Variants in CPNE4 observed in about 807,000 individuals in gnomAD.
CPNE4 encodes copine 4, also known as copine-4.
CPNE4 carries 25 observed loss-of-function variants against 67.9 expected under a neutral mutation model. The ratio of observed to expected loss-of-function variants is 0.37; its 90% CI spans 0.27 to 0.51. The LOEUF is 0.51. Ranked by LOEUF, CPNE4 falls within the 20% of genes least tolerant of loss-of-function variation. CPNE4 has a pLI of 0.93. For synonymous variants in CPNE4, 242 were observed against 244.9 expected, an observed-to-expected ratio of 0.99 and a Z score of 0.11; for missense variants, 464 against 690.8, an observed-to-expected ratio of 0.67 and a Z score of 3.68.
At chr3:131,750,295 A>G (rs1213855461) in intron 2 of CPNE4, among the ~76,000 whole-genome samples, 2 of 152,186 alleles carry the variant, frequency 1.3e-5, no homozygotes, top group African/African-American at 2.4e-5. Flanking sequence ...TTCAATTGGT[A>G]TATTTAAGTC....
intron 2 of CPNE4, among the ~76,000 whole-genome samples, chr3:131,730,166 T>C (rs2082095503): frequency 6.6e-6 from 1 of 152,206 alleles, no homozygotes; most frequent in East Asian, 1.9e-4. Context: ...ATCTCTGAAA[T>C]TGGGATGCAT....
chr3:131,801,415 C>A (rs71315622), intron 2 of CPNE4, among the ~76,000 whole-genome samples: 5 of 66,076 alleles, frequency 7.6e-5, no homozygotes, highest in Admixed American at 1.9e-4. Context: ...TACATATATA[C>A]GTGTGTGTGT....
rs73875038 is a variant in CPNE4 at position 131,844,883 on chromosome 3, G to A, written c.180+60381C>T. Among the ~76,000 whole-genome samples, 1,146 of 152,130 alleles carry A rather than the reference G, an allele frequency of 7.5e-3. 15 individuals are homozygous for A. The highest frequency in any genetic ancestry group is 0.027 in the African/African-American group (1,104 of 41,494). The stretch of plus-strand genomic sequence containing the variant: ...AAACTTCATGGCTCCTACATGACAC[G>A]TAAGCATATTATGTACACTACGCAA... On this transcript the variant is annotated intron_variant, in intron 2 of 15. Transcript: ENST00000429747.
intron 6 of CPNE4, among the ~76,000 whole-genome samples, chr3:131,679,162 G>T (rs1318458949): frequency 6.6e-6 from 1 of 152,048 alleles, no homozygotes; most frequent in African/African-American, 2.4e-5. Flanking sequence ...TTGAGAGAGT[G>T]TATCTATCTG....
In CPNE4 at chr3:131,964,233, A is replaced by G. The variant is rs148083104; in HGVS notation, c.-1-58789T>C. Among the ~76,000 whole-genome samples the G allele has an allele frequency of 5.0e-3, 756 of 152,240 alleles. 7 individuals carry two copies. Among genetic ancestry groups the G allele is most frequent in the African/African-American group, 0.017 (712 of 41,542 alleles). The stretch of plus-strand genomic sequence containing the variant: ...CATCCAAAGGCCATCAGCATCAAAG[A>G]TCAAAGGTAGATAAATCCACAAAGA... On this transcript the variant is annotated intron_variant, in intron 1 of 15. Coordinates refer to ENST00000429747, the MANE Select transcript of CPNE4 (RefSeq NM_130808.3).
intron 1 of CPNE4, among the ~76,000 whole-genome samples, chr3:131,923,802 T>C (rs1243132138): frequency 6.7e-6 from 1 of 149,356 alleles, no homozygotes; most frequent in Non-Finnish European, 1.5e-5. Flanking sequence ...TCATGTGGGC[T>C]AGTGGCTCAT....
At chr3:131,790,832 C>T (rs544209465) in intron 2 of CPNE4, among the ~76,000 whole-genome samples, 19 of 152,274 alleles carry the variant, frequency 1.2e-4, no homozygotes, top group Admixed American at 1.1e-3. Flanking sequence ...TTGTAACCTT[C>T]CTTTTGCCCC....
chr3:131,587,362 C>A, intron 8 of CPNE4, 122 bp downstream of exon 8: 2 of 682,848 alleles, frequency 2.9e-6, no homozygotes, highest in Non-Finnish European at 2.7e-6. Flanking sequence ...TCCTACCATG[C>A]TCCCTTCTTA....
intron 10 of CPNE4, 27 bp downstream of exon 10, chr3:131,575,044 C>T (rs376883016): frequency 6.3e-7 from 1 of 1,595,400 alleles, no homozygotes; most frequent in Non-Finnish European, 8.6e-7. Flanking sequence ...GAATAAGAAT[C>T]AAGGAATCAA....
At chr3:131,758,541 A>G (rs1426033755) in intron 2 of CPNE4, among the ~76,000 whole-genome samples, 1 of 152,132 alleles carries the variant, frequency 6.6e-6, no homozygotes, top group Non-Finnish European at 1.5e-5. Context: ...TTTGTCTCAG[A>G]TGAGACTTTG....
At chr3:131,752,224 T>G (rs1307776124) in intron 2 of CPNE4, among the ~76,000 whole-genome samples, 6 of 152,040 alleles carry the variant, frequency 3.9e-5, no homozygotes, top group African/African-American at 1.2e-4. Context: ...TAGGTCATCT[T>G]ATTATAGCCT....
At chr3:131,902,543 C>T (rs1413667266) in intron 2 of CPNE4, among the ~76,000 whole-genome samples, 1 of 151,898 alleles carries the variant, frequency 6.6e-6, no homozygotes, top group Non-Finnish European at 1.5e-5. Flanking sequence ...GAATTTAAAT[C>T]CAGTTGATGG....
intron 2 of CPNE4, among the ~76,000 whole-genome samples, chr3:131,732,724 A>G (rs1335117813): frequency 6.6e-6 from 1 of 152,178 alleles, no homozygotes; most frequent in Non-Finnish European, 1.5e-5. Flanking sequence ...CTTCATGAAC[A>G]TCTCTTTTTC....
chr3:131,657,864 G>A (rs1479340915), intron 7 of CPNE4, among the ~76,000 whole-genome samples: 2 of 151,826 alleles, frequency 1.3e-5, no homozygotes, highest in African/African-American at 4.8e-5. Flanking sequence ...GTGCCCGGCC[G>A]AATTATCTAT....
intron 3 of CPNE4, 56 bp downstream of exon 3, chr3:131,723,390 G>T: frequency 6.9e-7 from 1 of 1,451,324 alleles, no homozygotes; most frequent in African/African-American, 1.4e-5. Context: ...GGGAAAGGGG[G>T]CAGGAAGAAA....
chr3:131,755,466 A>T (rs572689184), intron 2 of CPNE4, among the ~76,000 whole-genome samples: 2 of 152,302 alleles, frequency 1.3e-5, no homozygotes, highest in South Asian at 4.1e-4. Flanking sequence ...GCTACCACTG[A>T]CTTTACTTGT....
rs2088487219 is a variant in CPNE4, at chr3:131,899,959, T to C, written c.180+5305A>G. Among the ~76,000 whole-genome samples the C allele has an allele frequency of 2.0e-5, 3 of 152,064 alleles. No homozygotes were observed. The South Asian group carries it at 6.2e-4, about 32-fold the overall frequency. ...AAGAAAATTCCACAGCCCACTTCTC[T>C]GGGCAAGCTCAACAACATGGGCACA... On this transcript the variant is annotated intron_variant, in intron 2 of 15. Coordinates refer to ENST00000429747, the MANE Select transcript of CPNE4 (RefSeq NM_130808.3).
chr3:131,887,839 T>A (rs563855319), intron 2 of CPNE4, among the ~76,000 whole-genome samples: 1 of 152,196 alleles, frequency 6.6e-6, no homozygotes, highest in Non-Finnish European at 1.5e-5. Flanking sequence ...AGTTAACTAA[T>A]GTTTCCAGGT....
At chr3:131,898,207 A>T (rs2088411210) in intron 2 of CPNE4, among the ~76,000 whole-genome samples, 1 of 152,126 alleles carries the variant, frequency 6.6e-6, no homozygotes, top group Non-Finnish European at 1.5e-5. Context: ...GAAATGTTGA[A>T]GGTGATTCAA....
Sources: gnomAD v4.1 joint callset for allele counts (sites outside exome capture counted in the v4.1 genomes callset) on GRCh38, gnomAD v4.1.1 for gene constraint, MANE v1.5 for transcripts, NCBI Gene and HGNC (gene_info 2026-07-23, HGNC 2026-07-21) for gene names.